ZSCAN22: variants seen among roughly 807,000 people sequenced by gnomAD.
The protein encoded by ZSCAN22 is zinc finger and SCAN domain-containing protein 22.
A neutral mutation model predicts 12.4 loss-of-function variants in ZSCAN22; 7 were observed. The ratio of observed to expected loss-of-function variants is 0.57; its 90% CI spans 0.32 to 1.06. The LOEUF (loss-of-function observed/expected upper bound fraction) is 1.06, where lower values mean the gene tolerates loss of function less well. ZSCAN22 is among the 50% of genes least tolerant of loss of function. The pLI, the probability that ZSCAN22 is intolerant of heterozygous loss-of-function variation, is 0.04. For missense variants in ZSCAN22, 576 were observed against 631.7 expected (o/e 0.91, Z 0.94); for synonymous variants, 243 against 255.9 (o/e 0.95, Z 0.48).
chr19:58,338,541 A>G lies in ZSCAN22; in HGVS notation c.691A>G (p.Ser231Gly). The G allele has an allele frequency of 6.2e-7, 1 of 1,614,206 alleles. No individual in the cohort carries two copies. The change falls in exon 3 of 3, where the codon AGT (serine) becomes GGT (glycine). Residue 231 changes from serine to glycine, a missense_variant. Physicochemically the swap from Ser to Gly is moderately conservative, Grantham distance 56 (BLOSUM62 0). Transcript: ENST00000329665. The surrounding 1 kb of genome is among the most constrained non-coding windows in gnomAD (Gnocchi z 5.4). ...RESGASRNSS[S>G]AWPNLTSQEK... Reference sequence around the variant, plus strand: ...ATCTGGTGCCTCGAGGAACAGTTCTAGTGCGTGGCCAAACCTCACCTCCCA... The same window carrying G: ...ATCTGGTGCCTCGAGGAACAGTTCTGGTGCGTGGCCAAACCTCACCTCCCA...
rs1344159526 is a variant in ZSCAN22 at position 58,338,089 on chromosome 19, C to T, written c.404-165C>T. ...GATGGTGTGGGAGGACAGCCCTGCA[C>T]CCTTTGTCATCCAAGACACCAAATG... On this transcript the variant is annotated intron_variant, in intron 2 of 2. Coordinates refer to ENST00000329665, the MANE Select transcript of ZSCAN22 (RefSeq NM_181846.3). The surrounding 1 kb of genome is among the most constrained non-coding windows in gnomAD (Gnocchi z 5.4). Among the ~76,000 whole-genome samples, 2 of 152,196 alleles carry T rather than the reference C, an allele frequency of 1.3e-5. No homozygotes were observed. Among genetic ancestry groups the T allele is most frequent in the African/African-American group, 4.8e-5 (2 of 41,460 alleles).
Position 58,338,828 on chromosome 19 carries a change from T to C in ZSCAN22, c.978T>C (p.Cys326=). The stretch of plus-strand genomic sequence containing the variant: ...ACACAGGGGCGAAGCCCCATGAGTG[T>C]AAGGAATGTGGGAAGGCCTTCAGCC... The part of the protein sequence containing the change: ...VVHTGAKPHE[C]KECGKAFSRV... The change falls in exon 3 of 3, where the codon TGT becomes TGC. Residue 326 remains cysteine, a synonymous_variant. Transcript: ENST00000329665. This position sits in a 1 kb window ranked among gnomAD's most constrained non-coding sequence, Gnocchi z 5.4. 6.2e-7 allele frequency: 1 copy of C among 1,613,822 alleles called. No homozygotes were observed. The highest frequency in any genetic ancestry group is 8.5e-7 in the Non-Finnish European group (1 of 1,179,836).
chr19:58,341,957 C>T lies in ZSCAN22; in HGVS notation c.*2631C>T, dbSNP rs961918084. ...CTGGCCCTGCACACTGTCTCTGACTCACAGCAATCATCAGCACCTCTCTTT... is the reference window on the plus strand; with the variant it reads ...CTGGCCCTGCACACTGTCTCTGACTTACAGCAATCATCAGCACCTCTCTTT... On this transcript the variant is annotated 3_prime_UTR_variant, in exon 3 of 3. Transcript: ENST00000329665. The T allele has an allele frequency of 1.3e-5, 2 of 152,240 alleles. No individual in the cohort carries two copies. The highest frequency in any genetic ancestry group is 2.9e-5 in the Non-Finnish European group (2 of 68,078). The allele number at this position is 152,240 out of a possible 1,614,324, so 9.4% of individuals were successfully genotyped here. A position where few individuals can be genotyped will look rare whatever the true frequency, so the allele number is the denominator to read the frequency against.
Position 58,338,666 on chromosome 19 carries a change from G to T in ZSCAN22, c.816G>T (p.Glu272Asp). 6.2e-7 allele frequency: 1 copy of T among 1,614,238 alleles called. No individual in the cohort carries two copies. The highest frequency in any genetic ancestry group is 8.5e-7 in the Non-Finnish European group (1 of 1,180,046). Residue 272 changes from glutamate (E) to aspartate (D), a missense_variant, in exon 3 of 3, where the codon GAG becomes GAT. Transcript: ENST00000329665. The surrounding 1 kb of genome is among the most constrained non-coding windows in gnomAD (Gnocchi z 5.4). ...GGAAGAGGTCCTCCAAGTGTCGCGA[G>T]TGTAGGAAGATGTTCCAGAGTGCTT... is the stretch of plus-strand genomic sequence containing the variant. ...YSGKRSSKCRECRKMFQSASA... is the reference protein window; with the variant it reads ...YSGKRSSKCRDCRKMFQSASA...
rs1182962816 is a variant in ZSCAN22 at position 58,339,798 on chromosome 19, A to G, written c.*472A>G. 1.3e-5 allele frequency: 2 copies of G among 157,728 alleles called. No homozygotes were observed. The highest frequency in any genetic ancestry group is 2.4e-5 in the African/African-American group (1 of 41,456). The allele number at this position is 157,728 out of a possible 1,614,324, so 9.8% of individuals were successfully genotyped here. A position where few individuals can be genotyped will look rare whatever the true frequency, so the allele number is the denominator to read the frequency against. On this transcript the variant is annotated 3_prime_UTR_variant, in exon 3 of 3. Coordinates refer to ENST00000329665, the MANE Select transcript of ZSCAN22 (RefSeq NM_181846.3). This position sits in a 1 kb window ranked among gnomAD's most constrained non-coding sequence, Gnocchi z 5.6. ...CCACCTCTGTGCCTTGGCACCTACT[A>G]TTTCCACTCCAGACTATTTTGTGCC...
In ZSCAN22 at chr19:58,339,139, A is replaced by G; in HGVS notation, c.1289A>G (p.His430Arg). The part of the protein sequence containing the change: ...CSALIRHLRI[H>R]SGEKPYQCKV... ...GCCCTGATCCGACATCTGAGAATCCACTCTGGAGAGAAGCCATATCAGTGT... is the reference window on the plus strand; with the variant it reads ...GCCCTGATCCGACATCTGAGAATCCGCTCTGGAGAGAAGCCATATCAGTGT... The change falls in exon 3 of 3, where the codon CAC becomes CGC. Residue 430 changes from histidine (H) to arginine (R), a missense_variant. Physicochemically the swap from His to Arg is conservative, Grantham distance 29 (BLOSUM62 0). Transcript: ENST00000329665. The surrounding 1 kb of genome is among the most constrained non-coding windows in gnomAD (Gnocchi z 5.6). 1 of 1,614,108 alleles carries G rather than the reference A, an allele frequency of 6.2e-7. No individual in the cohort carries two copies. Among genetic ancestry groups the G allele is most frequent in the Non-Finnish European group, 8.5e-7 (1 of 1,180,026 alleles).
At chr19:58,337,192 G>T (rs2051808763) in intron 2 of ZSCAN22, among the ~76,000 whole-genome samples, 1 of 152,238 alleles carries the variant, frequency 6.6e-6, no homozygotes, top group Non-Finnish European at 1.5e-5. Context: ...TCTACCTGGG[G>T]TTCTACTTGC....
At chr19:58,331,513 C>T (rs1002238907) in intron 1 of ZSCAN22, among the ~76,000 whole-genome samples, 1 of 137,890 alleles carries the variant, frequency 7.3e-6, no homozygotes, top group African/African-American at 2.7e-5. Context: ...CCGCGTCCAG[C>T]TGACGTTATT....
rs1344159526 is a variant in ZSCAN22, at chr19:58,338,089, C to A, written c.404-165C>A. Among the ~76,000 whole-genome samples the A allele has an allele frequency of 6.6e-6, 1 of 152,196 alleles. No individual in the cohort carries two copies. Among genetic ancestry groups the A allele is most frequent in the African/African-American group, 2.4e-5 (1 of 41,460 alleles). ...GATGGTGTGGGAGGACAGCCCTGCA[C>A]CCTTTGTCATCCAAGACACCAAATG... On this transcript the variant is annotated intron_variant, in intron 2 of 2. Coordinates refer to ENST00000329665, the MANE Select transcript of ZSCAN22 (RefSeq NM_181846.3). The surrounding 1 kb of genome is among the most constrained non-coding windows in gnomAD (Gnocchi z 5.4).
At position 58,329,403 on chromosome 19, in the gene ZSCAN22, T is replaced by C. The variant is rs2051696515; in HGVS notation, c.-52+2289T>C. Among the ~76,000 whole-genome samples the C allele has an allele frequency of 6.6e-6, 1 of 152,204 alleles. No individual in the cohort carries two copies. Among genetic ancestry groups the C allele is most frequent in the South Asian group, 2.1e-4 (1 of 4,832 alleles). On this transcript the variant is annotated intron_variant, in intron 1 of 2. Coordinates refer to ENST00000329665, the MANE Select transcript of ZSCAN22 (RefSeq NM_181846.3). This position sits in a 1 kb window ranked among gnomAD's most constrained non-coding sequence, Gnocchi z 4.1. ...GGAAAGGAAAAAGAACTCCAAATAC[T>C]TAAAACTGTGGGAGTCGTGGATGGG...
intron 1 of ZSCAN22, among the ~76,000 whole-genome samples, chr19:58,330,730 C>T (rs1323515473): frequency 1.3e-5 from 2 of 152,198 alleles, no homozygotes; most frequent in South Asian, 2.1e-4. Flanking sequence ...GCTAGTGTGG[C>T]CTGGTAGCCG....
At position 58,340,419 on chromosome 19, in the gene ZSCAN22, C is replaced by T. The variant is rs1253232747; in HGVS notation, c.*1093C>T. ...CCTGAAGGAGCCATACATTTTCCCA[C>T]TTATGTGCCTTTGTACCTGTGCCTG... On this transcript the variant is annotated 3_prime_UTR_variant, in exon 3 of 3. Coordinates refer to ENST00000329665, the MANE Select transcript of ZSCAN22 (RefSeq NM_181846.3). 1.3e-5 allele frequency: 2 copies of T among 153,074 alleles called. No homozygotes were observed. Among genetic ancestry groups the T allele is most frequent in the Admixed American group, 6.5e-5 (1 of 15,276 alleles). The allele number at this position is 153,074 out of a possible 1,614,324, so 9.5% of individuals were successfully genotyped here. A position where few individuals can be genotyped will look rare whatever the true frequency, so the allele number is the denominator to read the frequency against.
At position 58,338,139 on chromosome 19, in the gene ZSCAN22, C is replaced by A; in HGVS notation, c.404-115C>A. On this transcript the variant is annotated intron_variant, in intron 2 of 2. Transcript: ENST00000329665. This position sits in a 1 kb window ranked among gnomAD's most constrained non-coding sequence, Gnocchi z 5.4. ...GAGAAACTTCCCCTTGGAACTGGGG[C>A]CAGATGTTAGGAACGGGCCACATCT... 1 of 946,760 alleles carries A rather than the reference C, an allele frequency of 1.1e-6. No homozygotes were observed. Among genetic ancestry groups the A allele is most frequent in the Non-Finnish European group, 1.6e-6 (1 of 639,032 alleles). 58.6% of individuals were successfully genotyped at this position (946,760 alleles called of 1,614,324 possible). A position where few individuals can be genotyped will look rare whatever the true frequency, so the allele number is the denominator to read the frequency against.
chr19:58,333,583 C>T (rs1459946617), intron 1 of ZSCAN22, among the ~76,000 whole-genome samples: 1 of 152,252 alleles, frequency 6.6e-6, no homozygotes, highest in Non-Finnish European at 1.5e-5. Flanking sequence ...GTGACTCATG[C>T]TTGTAATCCC....
At position 58,341,830 on chromosome 19, in the gene ZSCAN22, C is replaced by G. The variant is rs543930563; in HGVS notation, c.*2504C>G. 6.6e-6 allele frequency: 1 copy of G among 152,324 alleles called. No homozygotes were observed. The highest frequency in any genetic ancestry group is 2.4e-5 in the African/African-American group (1 of 41,550). The allele number at this position is 152,324 out of a possible 1,614,324, so 9.4% of individuals were successfully genotyped here. A position where few individuals can be genotyped will look rare whatever the true frequency, so the allele number is the denominator to read the frequency against. On this transcript the variant is annotated 3_prime_UTR_variant, in exon 3 of 3. Transcript: ENST00000329665. ...TGCAGAGCCTGACTCCTCCCTGTGG[C>G]TACTTTTGGGACCTAAGATAAGTGA...
intron 1 of ZSCAN22, among the ~76,000 whole-genome samples, chr19:58,334,265 T>A (rs1395829092): frequency 6.6e-6 from 1 of 152,206 alleles, no homozygotes; most frequent in Non-Finnish European, 1.5e-5. Flanking sequence ...TGTTTTTCCA[T>A]CCATAAAATA....
intron 1 of ZSCAN22, among the ~76,000 whole-genome samples, chr19:58,330,676 C>T (rs1481969464): frequency 6.6e-6 from 1 of 152,232 alleles, no homozygotes; most frequent in African/African-American, 2.4e-5. Flanking sequence ...AATACTGACT[C>T]ACAGGGTGGA....
chr19:58,329,417 G>A lies in ZSCAN22; in HGVS notation c.-52+2303G>A, dbSNP rs765354901. On this transcript the variant is annotated intron_variant, in intron 1 of 2. Transcript: ENST00000329665. The surrounding 1 kb of genome is among the most constrained non-coding windows in gnomAD (Gnocchi z 4.1). ...ACTCCAAATACTTAAAACTGTGGGA[G>A]TCGTGGATGGGAGAGGGAGAGGCTA... 6.6e-6 allele frequency among the ~76,000 whole-genome samples: 1 copy of A among 152,252 alleles called. No homozygotes were observed. The highest frequency in any genetic ancestry group is 1.5e-5 in the Non-Finnish European group (1 of 68,046).
intron 2 of ZSCAN22, among the ~76,000 whole-genome samples, chr19:58,337,218 C>A (rs948948140): frequency 2.6e-5 from 4 of 152,250 alleles, no homozygotes; most frequent in Non-Finnish European, 5.9e-5. Context: ...TTTTCACCAT[C>A]GTGGGCTTCT....
Sources: allele counts gnomAD v4.1 joint callset (sites outside exome capture counted in the v4.1 genomes callset), GRCh38; gene constraint gnomAD v4.1.1; non-coding constraint Gnocchi (gnomAD v3.1); transcripts MANE v1.5; gene names NCBI Gene and HGNC (gene_info 2026-07-23, HGNC 2026-07-21).